PRKN: variants seen among roughly 807,000 people sequenced by gnomAD.
The protein encoded by PRKN is E3 ubiquitin-protein ligase parkin.
A neutral mutation model predicts 59.5 loss-of-function variants in PRKN; 56 were observed. The ratio of observed to expected loss-of-function variants is 0.94; its 90% CI spans 0.76 to 1.18. The LOEUF (loss-of-function observed/expected upper bound fraction) is 1.18, where lower values mean the gene tolerates loss of function less well. Ranked by LOEUF, PRKN falls within the 50% of genes most tolerant of loss-of-function variation. The probability of loss-of-function intolerance (pLI) is 0.00; values close to 1 mark genes in which losing one functional copy is unlikely to be tolerated. For synonymous variants in PRKN, 250 were observed against 222.1 expected, an observed-to-expected ratio of 1.13 and a Z score of -1.12; for missense variants, 657 against 596.4, an observed-to-expected ratio of 1.10 and a Z score of -1.06.
chr6:161,381,636 A>G (rs886122339), intron 10 of PRKN, among the ~76,000 whole-genome samples: 27 of 152,302 alleles, frequency 1.8e-4, no homozygotes, highest in Admixed American at 1.7e-3. Context: ...CTGAGACATA[A>G]TCCAGCCCTG....
At chr6:162,450,701 C>A (rs1055996715) in intron 1 of PRKN, among the ~76,000 whole-genome samples, 1 of 152,102 alleles carries the variant, frequency 6.6e-6, no homozygotes, top group Non-Finnish European at 1.5e-5. Flanking sequence ...GCCAGCACTG[C>A]GCAAACCTTT....
chr6:161,597,592 G>A (rs559138641), intron 7 of PRKN, among the ~76,000 whole-genome samples: 48 of 151,866 alleles, frequency 3.2e-4, no homozygotes, highest in African/African-American at 1.1e-3. Flanking sequence ...TTCCTGCCTT[G>A]CTGCCCTCCA....
In PRKN at chr6:161,372,720, A is replaced by G. The variant is rs1582986248; in HGVS notation, c.1168-12515T>C. ...ATTGCGCTCAAGGACTGGCAGTTCA[A>G]CAAATTCCTAGGTGATGCCGATGTC... On this transcript the variant is annotated intron_variant, in intron 10 of 11. Transcript: ENST00000366898. This position sits in a 1 kb window ranked among gnomAD's most constrained non-coding sequence, Gnocchi z 4.2. Among the ~76,000 whole-genome samples, 1 of 152,312 alleles carries G rather than the reference A, an allele frequency of 6.6e-6. No homozygotes were observed. The highest frequency in any genetic ancestry group is 2.4e-5 in the African/African-American group (1 of 41,560).
intron 1 of PRKN, among the ~76,000 whole-genome samples, chr6:162,451,924 T>C (rs1790646910): frequency 6.6e-6 from 1 of 152,126 alleles, no homozygotes; most frequent in Non-Finnish European, 1.5e-5. Context: ...CGTGCTTGTG[T>C]CAAGGCAAAT....
chr6:162,562,672 G>A (rs568501845), intron 1 of PRKN, among the ~76,000 whole-genome samples: 1 of 152,290 alleles, frequency 6.6e-6, no homozygotes, highest in South Asian at 2.1e-4. Context: ...TGTCAGCTCA[G>A]CAGCAATACC....
chr6:162,339,140 C>T (rs1321304087), intron 2 of PRKN, among the ~76,000 whole-genome samples: 2 of 148,058 alleles, frequency 1.4e-5, no homozygotes, highest in African/African-American at 5.0e-5. Context: ...GCCCGGCAGC[C>T]GCCCCGTCTG....
At chr6:161,441,835 G>A (rs192891077) in intron 9 of PRKN, among the ~76,000 whole-genome samples, 29 of 152,206 alleles carry the variant, frequency 1.9e-4, no homozygotes, top group Admixed American at 1.0e-3. Flanking sequence ...TCGGCCATCC[G>A]GCATCTTCCC....
intron 9 of PRKN, among the ~76,000 whole-genome samples, chr6:161,536,076 C>T (rs1779403772): frequency 6.6e-6 from 1 of 150,986 alleles, no homozygotes; most frequent in Admixed American, 6.6e-5. Context: ...TCTTTTTTTT[C>T]CCCAATATCT....
chr6:161,872,716 G>A (rs990582964), intron 6 of PRKN, among the ~76,000 whole-genome samples: 6 of 152,012 alleles, frequency 3.9e-5, no homozygotes, highest in East Asian at 1.9e-4. Flanking sequence ...CGGCCCTCCC[G>A]CCTCTGTCCT....
At chr6:162,569,753 C>CT in intron 1 of PRKN, 2 of 517,422 alleles carry the variant, frequency 3.9e-6, no homozygotes, top group Non-Finnish European at 3.6e-6. Flanking sequence ...CCCTCCCAGC[C>CT]TGCCCCTCTG....
intron 1 of PRKN, among the ~76,000 whole-genome samples, chr6:162,494,126 CA>C (rs1254315098): frequency 1.3e-5 from 2 of 152,200 alleles, no homozygotes; most frequent in Non-Finnish European, 2.9e-5. Flanking sequence ...CCATTCTCTC[CA>C]TGTCTCCCAT....
At chr6:161,885,079 C>T (rs1038729376) in intron 6 of PRKN, among the ~76,000 whole-genome samples, 2 of 148,816 alleles carry the variant, frequency 1.3e-5, no homozygotes, top group African/African-American at 5.0e-5. Context: ...TAACTAGAAG[C>T]TTATTATAAA....
chr6:161,400,181 C>T lies in PRKN; in HGVS notation c.1084-13304G>A, dbSNP rs577576643. On this transcript the variant is annotated intron_variant, in intron 9 of 11. Coordinates refer to ENST00000366898, the MANE Select transcript of PRKN (RefSeq NM_004562.3). The surrounding 1 kb of genome is among the most constrained non-coding windows in gnomAD (Gnocchi z 4.2). ...CTACAAGGACCCTGCTGTCTGAGGA[C>T]TCCTTGCACGATGCAGAGTTCAGTT... Among the ~76,000 whole-genome samples the T allele has an allele frequency of 1.3e-5, 2 of 152,162 alleles. No individual in the cohort carries two copies. The highest frequency in any genetic ancestry group is 4.1e-4 in the South Asian group (2 of 4,822).
intron 7 of PRKN, among the ~76,000 whole-genome samples, chr6:161,749,463 G>A (rs1788583856): frequency 6.6e-6 from 1 of 152,110 alleles, no homozygotes; most frequent in Non-Finnish European, 1.5e-5. Context: ...TAATTTGCAG[G>A]ATCAATTTCT....
Position 162,015,649 on chromosome 6 carries a change from T to C in PRKN, c.618+38442A>G, listed in dbSNP as rs116042634. ...TGCTCACCCTTCTACTCTCTGAAAT[T>C]GAAGCAAATTACAATGTACTCTATA... On this transcript the variant is annotated intron_variant, in intron 5 of 11. Transcript: ENST00000366898. 8.4e-3 allele frequency among the ~76,000 whole-genome samples: 1,274 copies of C among 152,268 alleles called. 24 individuals are homozygous for C. The highest frequency in any genetic ancestry group is 0.029 in the African/African-American group (1,210 of 41,556).
At chr6:162,445,070 T>C (rs1049743167) in intron 1 of PRKN, among the ~76,000 whole-genome samples, 5 of 152,170 alleles carry the variant, frequency 3.3e-5, no homozygotes, top group Non-Finnish European at 4.4e-5. Context: ...TGTAGTACTA[T>C]AGCTAATTAT....
rs548072991 is a variant in PRKN at position 161,544,099 on chromosome 6, C to G, written c.1083+4755G>C. Among the ~76,000 whole-genome samples the G allele has an allele frequency of 4.6e-5, 7 of 152,298 alleles. No homozygotes were observed. In the South Asian group the frequency reaches 1.4e-3, roughly 32 times the overall value. On this transcript the variant is annotated intron_variant, in intron 9 of 11. Coordinates refer to ENST00000366898, the MANE Select transcript of PRKN (RefSeq NM_004562.3). This position sits in a 1 kb window ranked among gnomAD's most constrained non-coding sequence, Gnocchi z 5.5. The stretch of plus-strand genomic sequence containing the variant: ...AAATACATTCTCTGCTGCGTTCTAT[C>G]TATGTAAAAATATTCTGTGCTGAGT...
chr6:162,183,503 T>A (rs566160204), intron 4 of PRKN, among the ~76,000 whole-genome samples: 1 of 152,252 alleles, frequency 6.6e-6, no homozygotes, highest in African/African-American at 2.4e-5. Flanking sequence ...GAAAGTCACC[T>A]CCCCTCCTGT....
intron 6 of PRKN, among the ~76,000 whole-genome samples, chr6:161,893,165 C>T (rs947962913): frequency 1.3e-5 from 2 of 152,142 alleles, no homozygotes; most frequent in Non-Finnish European, 2.9e-5. Flanking sequence ...TTTAAAGGTG[C>T]TTAAAAAAGA....
Sources: gnomAD v4.1 joint callset for allele counts (sites outside exome capture counted in the v4.1 genomes callset) on GRCh38, gnomAD v4.1.1 for gene constraint, Gnocchi (gnomAD v3.1) non-coding constraint, MANE v1.5 for transcripts, NCBI Gene and HGNC (gene_info 2026-07-23, HGNC 2026-07-21) for gene names.